C12orf42: variants seen among roughly 807,000 people sequenced by gnomAD.
C12orf42 encodes the protein uncharacterized protein C12orf42.
Under a neutral mutation model 21.6 loss-of-function variants are expected in C12orf42, and 25 were observed. The observed-to-expected ratio is 1.16, with a 90% confidence interval of 0.84 to 1.62. The LOEUF (loss-of-function observed/expected upper bound fraction) is 1.62, where lower values mean the gene tolerates loss of function less well. Ranked by LOEUF, C12orf42 falls within the 40% of genes most tolerant of loss-of-function variation. The pLI, the probability that C12orf42 is intolerant of heterozygous loss-of-function variation, is 0.00. For missense variants in C12orf42, 483 were observed against 459.3 expected, an observed-to-expected ratio of 1.05 and a Z score of -0.47; for synonymous variants, 174 against 175.0, an observed-to-expected ratio of 0.99 and a Z score of 0.05.
chr12:103,084,110 T>C, the C12orf42 span, among the ~76,000 whole-genome samples: 1 of 152,224 alleles, frequency 6.6e-6, no homozygotes, highest in Non-Finnish European at 1.5e-5. Context: ...CCTAAATATT[T>C]ATGTAGTATT....
chr12:103,296,205 A>G (rs1021957226), intron 4 of C12orf42, among the ~76,000 whole-genome samples: 3 of 151,776 alleles, frequency 2.0e-5, no homozygotes, highest in African/African-American at 7.3e-5. Flanking sequence ...TTCATTTTTT[A>G]TGGCTGCATA....
intron 4 of C12orf42, among the ~76,000 whole-genome samples, chr12:103,281,132 A>G (rs1253101959): frequency 6.6e-6 from 1 of 152,208 alleles, no homozygotes; most frequent in Non-Finnish European, 1.5e-5. Context: ...GATGATGTCT[A>G]TTTGAAAGAG....
rs2038266424 is a variant in C12orf42 at position 103,306,008 on chromosome 12, C to T, written c.597G>A (p.Lys199=). ...GIHISRHTRP[K]GQPLSSPKKN... is the part of the protein sequence containing the mutation. The stretch of plus-strand genomic sequence containing the variant: ...TCTTGGGACTGCTCAAGGGCTGGCC[C>T]TTAGGTCTTGTGTGTCTACTGATGT... Residue 199 remains lysine, a synonymous_variant, in exon 5 of 6, where the codon AAG becomes AAA. Transcript: ENST00000548883. 1 of 1,612,206 alleles carries T rather than the reference C, an allele frequency of 6.2e-7. No individual in the cohort carries two copies. Among genetic ancestry groups the T allele is most frequent in the Non-Finnish European group, 8.5e-7 (1 of 1,178,486 alleles).
At chr12:103,213,197 A>G in the C12orf42 span, among the ~76,000 whole-genome samples, 3 of 152,312 alleles carry the variant, frequency 2.0e-5, no homozygotes, top group Non-Finnish European at 4.4e-5. Flanking sequence ...AGTACTTTCC[A>G]TAAGAGATCT....
At chr12:103,167,795 GA>G in the C12orf42 span, among the ~76,000 whole-genome samples, 812 of 147,760 alleles carry the variant, frequency 5.5e-3, 8 homozygotes, top group African/African-American at 0.019. Context: ...AACAGTAAAT[GA>G]AAAAAAAATG....
the C12orf42 span, among the ~76,000 whole-genome samples, chr12:103,166,827 A>G: frequency 6.6e-6 from 1 of 151,860 alleles, no homozygotes; most frequent in Non-Finnish European, 1.5e-5. Flanking sequence ...AATTTCATCC[A>G]TCTTTTTTTT....
the C12orf42 span, among the ~76,000 whole-genome samples, chr12:103,058,799 G>A: frequency 6.6e-6 from 1 of 151,978 alleles, no homozygotes. Flanking sequence ...AAAAAGACAA[G>A]GTACCAGAAT....
At chr12:103,155,228 C>T in the C12orf42 span, 7 of 152,200 alleles carry the variant, frequency 4.6e-5, no homozygotes, top group East Asian at 3.8e-4. Context: ...CCCAGCACCA[C>T]GGCCAAATCA....
chr12:103,224,993 G>A, the C12orf42 span, among the ~76,000 whole-genome samples: 36 of 152,304 alleles, frequency 2.4e-4, no homozygotes, highest in African/African-American at 7.7e-4. Flanking sequence ...GGTAACAGAT[G>A]AGGATGAAAT....
In C12orf42 at chr12:103,435,722, G is replaced by A. The variant is rs1043803850; in HGVS notation, c.79-34047C>T. On this transcript the variant is annotated intron_variant, in intron 2 of 5. Coordinates refer to ENST00000548883, the MANE Select transcript of C12orf42 (RefSeq NM_198521.5). ...GAGAAAAAAGAATAAAAAGAAATGA[G>A]CAAAGCCTCCAAGAAATATGGGACT... 5.3e-5 allele frequency among the ~76,000 whole-genome samples: 8 copies of A among 151,498 alleles called. No homozygotes were observed. In the East Asian group the frequency reaches 1.4e-3, roughly 26 times the overall value.
At chr12:103,203,137 C>T in the C12orf42 span, among the ~76,000 whole-genome samples, 1 of 151,996 alleles carries the variant, frequency 6.6e-6, no homozygotes, top group Admixed American at 6.6e-5. Flanking sequence ...ATATGGAGAC[C>T]CACCTTTCAC....
At chr12:103,436,474 A>G (rs1485832228) in intron 2 of C12orf42, among the ~76,000 whole-genome samples, 1 of 152,032 alleles carries the variant, frequency 6.6e-6, no homozygotes, top group Non-Finnish European at 1.5e-5. Context: ...ATAAAGAGTC[A>G]AGACCCATCA....
intron 4 of C12orf42, among the ~76,000 whole-genome samples, chr12:103,362,260 A>G (rs539100334): frequency 6.6e-6 from 1 of 152,102 alleles, no homozygotes; most frequent in Non-Finnish European, 1.5e-5. Flanking sequence ...GAGAAGTAAC[A>G]ATCACTACAG....
At chr12:103,230,344 C>T in the C12orf42 span, among the ~76,000 whole-genome samples, 1 of 152,068 alleles carries the variant, frequency 6.6e-6, no homozygotes, top group African/African-American at 2.4e-5. Context: ...AATGTTCCTT[C>T]TTCAAAGCCA....
chr12:103,240,546 C>T (rs2033685923), intron 10 of C12orf42, among the ~76,000 whole-genome samples: 1 of 152,150 alleles, frequency 6.6e-6, no homozygotes, highest in Non-Finnish European at 1.5e-5. Context: ...ATTAATAGTG[C>T]ACTCACAAGA....
At chr12:103,106,404 A>G in the C12orf42 span, among the ~76,000 whole-genome samples, 1 of 152,116 alleles carries the variant, frequency 6.6e-6, no homozygotes, top group African/African-American at 2.4e-5. Context: ...AATAAAAATA[A>G]AATAAACATG....
At chr12:103,524,237 G>A in the C12orf42 span, among the ~76,000 whole-genome samples, 3 of 152,174 alleles carry the variant, frequency 2.0e-5, no homozygotes, top group African/African-American at 7.2e-5. Flanking sequence ...GATTAAAGGG[G>A]AGACAAGCTC....
At chr12:103,123,309 C>G in the C12orf42 span, among the ~76,000 whole-genome samples, 1 of 152,160 alleles carries the variant, frequency 6.6e-6, no homozygotes, top group African/African-American at 2.4e-5. Flanking sequence ...GCTTCAATGT[C>G]ATTCAAATCC....
chr12:103,326,400 C>T (rs7971321), intron 4 of C12orf42, among the ~76,000 whole-genome samples: 75,066 of 152,084 alleles, frequency 0.49, 21,244 homozygotes, highest in African/African-American at 0.78. Flanking sequence ...CTTTTAAAAG[C>T]TAAATCAGAT....
Sources: gnomAD v4.1 joint callset for allele counts (sites outside exome capture counted in the v4.1 genomes callset) on GRCh38, gnomAD v4.1.1 for gene constraint, MANE v1.5 for transcripts, NCBI Gene and HGNC (gene_info 2026-07-23, HGNC 2026-07-21) for gene names.